Variants in HEATR5A observed in about 807,000 individuals in gnomAD.
HEATR5A encodes the protein HEAT repeat containing 5A.
A neutral mutation model predicts 218.8 loss-of-function variants in HEATR5A; 178 were observed. The observed-to-expected ratio is 0.81, with a 90% CI of 0.72 to 0.92. The LOEUF (loss-of-function observed/expected upper bound fraction) is 0.92, where lower values mean the gene tolerates loss of function less well. HEATR5A is among the 40% of genes least tolerant of loss of function. The pLI is 0.00. For missense variants in HEATR5A, 2,420 were observed against 2,418.9 expected, an observed-to-expected ratio of 1.00 and a Z score of -0.01; for synonymous variants, 864 against 871.6, an observed-to-expected ratio of 0.99 and a Z score of 0.15.
chr14:31,359,729 C>CAAAAAAAAAAAAAAAA (rs376157768), intron 14 of HEATR5A, among the ~76,000 whole-genome samples: 4 of 32,200 alleles, frequency 1.2e-4, no homozygotes, highest in African/African-American at 3.3e-4. Flanking sequence ...CATCTCAAGA[C>CAAAAAAAAAAAAAAAA]AAAAAAAAAA....
At position 31,358,743 on chromosome 14, in the gene HEATR5A, C is replaced by T. The variant is rs777016221; in HGVS notation, c.2305G>A (p.Val769Ile). 3 of 1,613,896 alleles carry T rather than the reference C, an allele frequency of 1.9e-6. No homozygotes were observed. In the South Asian group the frequency reaches 3.3e-5, roughly 18 times the overall value. The change falls in exon 16 of 36, where the codon GTA (valine) becomes ATA (isoleucine). Residue 769 changes from valine (V) to isoleucine (I), a missense_variant. Val to Ile is a conservative substitution (Grantham distance 29). Coordinates refer to ENST00000543095, the MANE Select transcript of HEATR5A (RefSeq NM_015473.4). ...GGCTTAGGCACTGAATCTCCCTCTA[C>T]ATCTTTCTCATAAATCGAATAAGGG... ...YDPYSIYEKD[V>I]EGDSVPKPLP...
chr14:31,417,524 G>A (rs1487805980), intron 1 of HEATR5A, among the ~76,000 whole-genome samples: 1 of 152,132 alleles, frequency 6.6e-6, no homozygotes. Flanking sequence ...GGCGGAGCTT[G>A]CAGCAGCCCA....
At chr14:31,419,915 C>G (rs1005745961) in intron 1 of HEATR5A, among the ~76,000 whole-genome samples, 1 of 152,126 alleles carries the variant, frequency 6.6e-6, no homozygotes, top group African/African-American at 2.4e-5. Flanking sequence ...TATCCACACT[C>G]TCCACTGCTC....
At chr14:31,359,431 A>T (rs1311063437) in intron 14 of HEATR5A, among the ~76,000 whole-genome samples, 1 of 152,106 alleles carries the variant, frequency 6.6e-6, no homozygotes, top group Non-Finnish European at 1.5e-5. Flanking sequence ...AAAAATGTAT[A>T]AGAATTAGCC....
intron 25 of HEATR5A, among the ~76,000 whole-genome samples, chr14:31,318,650 C>T (rs908613164): frequency 1.3e-5 from 2 of 152,188 alleles, no homozygotes; most frequent in Non-Finnish European, 2.9e-5. Context: ...GCCACCGCAA[C>T]CAGCTAATTT....
intron 4 of HEATR5A, among the ~76,000 whole-genome samples, chr14:31,397,676 A>C (rs1178973766): frequency 6.7e-6 from 1 of 148,340 alleles, no homozygotes; most frequent in Admixed American, 6.7e-5. Flanking sequence ...AAAAAAAAAA[A>C]GGGACAGGGT....
At chr14:31,349,740 C>G in intron 18 of HEATR5A, 49 bp downstream of exon 18, 1 of 1,269,218 alleles carries the variant, frequency 7.9e-7, no homozygotes, top group Non-Finnish European at 1.1e-6. Context: ...GAAAGCTATA[C>G]CCAGTTTTGA....
At chr14:31,400,605 A>G in intron 2 of HEATR5A, 93 bp from the exon 3 acceptor site, 1 of 822,256 alleles carries the variant, frequency 1.2e-6, no homozygotes, top group Non-Finnish European at 1.8e-6. Context: ...TTAAGAACTA[A>G]AAAGGCTCTA....
Position 31,347,853 on chromosome 14 carries a change from C to A in HEATR5A, c.2763G>T (p.Gly921=). 6.3e-7 allele frequency: 1 copy of A among 1,585,932 alleles called. No homozygotes were observed. Among genetic ancestry groups the A allele is most frequent in the Non-Finnish European group, 8.6e-7 (1 of 1,165,454 alleles). Residue 921 remains glycine, a synonymous_variant, in exon 19 of 36, where the codon GGG becomes GGT. Coordinates refer to ENST00000543095, the MANE Select transcript of HEATR5A (RefSeq NM_015473.4). ...TTCCTCCTAAATACCTATGTAGGGA[C>A]CCCAAGGCCAATGAGTGTCCTGTTC... is the stretch of plus-strand genomic sequence containing the variant. ...VTRTGHSLAL[G]SLHRYLGGIS...
intron 17 of HEATR5A, among the ~76,000 whole-genome samples, chr14:31,350,276 C>G (rs76140394): frequency 0.02 from 3,028 of 152,182 alleles, 87 homozygotes; most frequent in African/African-American, 0.069. Flanking sequence ...CTAATGAAGT[C>G]TATTATATTT....
At chr14:31,329,196 G>T (rs1900377251) in intron 22 of HEATR5A, among the ~76,000 whole-genome samples, 2 of 152,144 alleles carry the variant, frequency 1.3e-5, no homozygotes, top group Non-Finnish European at 2.9e-5. Flanking sequence ...ACAAAGCCAA[G>T]CCATATCATT....
At chr14:31,379,716 G>A (rs2029905828) in intron 11 of HEATR5A, among the ~76,000 whole-genome samples, 1 of 152,198 alleles carries the variant, frequency 6.6e-6, no homozygotes, top group African/African-American at 2.4e-5. Context: ...CACTTTGGGA[G>A]GCCAAGGCGG....
At chr14:31,339,219 G>A (rs570231593) in intron 21 of HEATR5A, among the ~76,000 whole-genome samples, 1 of 151,794 alleles carries the variant, frequency 6.6e-6, no homozygotes, top group South Asian at 2.1e-4. Context: ...GGAGGCCGAG[G>A]CAGGTGGATC....
Position 31,323,793 on chromosome 14 carries a change from C to G in HEATR5A, c.3559G>C (p.Val1187Leu). 6.3e-7 allele frequency: 1 copy of G among 1,585,882 alleles called. No homozygotes were observed. The highest frequency in any genetic ancestry group is 8.7e-7 in the Non-Finnish European group (1 of 1,155,354). Reference protein sequence around the residue: ...VLAASADFTAVTCVDTMQEEE... With the variant: ...VLAASADFTALTCVDTMQEEE... ...TCTTGCATTGTATCCACACAAGTTA[C>G]AGCTGTAAAATCTTTTATTAAAGGA... The change falls in exon 24 of 36, where the codon GTA becomes CTA. Residue 1187 changes from valine (V) to leucine (L), a missense_variant. Val to Leu is a conservative substitution (Grantham distance 32). Transcript: ENST00000543095.
Position 31,386,332 on chromosome 14 carries a change from T to G in HEATR5A, c.1345+88A>C. The G allele has an allele frequency of 2.2e-6, 2 of 906,924 alleles. 1 individual carries two copies. Among genetic ancestry groups the G allele is most frequent in the South Asian group, 3.5e-5 (2 of 56,668 alleles). 56.2% of individuals were successfully genotyped at this position (906,924 alleles called of 1,614,324 possible). ...CATTTCTCATAAATCTATAATGGAA[T>G]CTATAAGTAAGCTATATGAAGATTT... is the stretch of plus-strand genomic sequence containing the variant. On this transcript the variant is annotated intron_variant, in intron 9 of 35. Transcript: ENST00000543095.
intron 16 of HEATR5A, among the ~76,000 whole-genome samples, chr14:31,353,293 A>C (rs1670051377): frequency 6.6e-6 from 1 of 152,144 alleles, no homozygotes; most frequent in Non-Finnish European, 1.5e-5. Context: ...TTCCCATCTT[A>C]TTAACTATTA....
At chr14:31,373,375 C>A (rs758320645) in intron 12 of HEATR5A, among the ~76,000 whole-genome samples, 1 of 150,054 alleles carries the variant, frequency 6.7e-6, no homozygotes, top group Middle Eastern at 3.5e-3. Flanking sequence ...GTTGTCCAGG[C>A]TGGAGTGCAA....
rs1296739005 is a variant in HEATR5A, at chr14:31,395,283, A to G, written c.513T>C (p.Ala171=). 6.6e-7 allele frequency: 1 copy of G among 1,525,088 alleles called. No individual in the cohort carries two copies. Among genetic ancestry groups the G allele is most frequent in the East Asian group, 2.4e-5 (1 of 40,856 alleles). 94.5% of individuals were successfully genotyped at this position (1,525,088 alleles called of 1,614,324 possible). Residue 171 remains alanine (A), a synonymous_variant, in exon 5 of 36, where the codon GCT becomes GCC. Transcript: ENST00000543095. ...QNILNGLGAA[A]APCHRDVYKA... ...TATAAACATCCCTGTGACAAGGTGC[A>G]GCGGCAGCTCCTAGTCCATTCAATA...
At chr14:31,385,488 T>C (rs1316571118) in intron 9 of HEATR5A, among the ~76,000 whole-genome samples, 5 of 152,104 alleles carry the variant, frequency 3.3e-5, no homozygotes, top group Non-Finnish European at 5.9e-5. Context: ...TGACCATATA[T>C]TGAATGATTT....
Sources: allele counts gnomAD v4.1 joint callset (sites outside exome capture counted in the v4.1 genomes callset), GRCh38; gene constraint gnomAD v4.1.1; transcripts MANE v1.5; gene names NCBI Gene and HGNC (gene_info 2026-07-23, HGNC 2026-07-21).